The following TMOD2 variants were observed in gnomAD, a reference collection of about 807,000 sequenced individuals.
TMOD2 encodes the protein tropomodulin-2.
A neutral mutation model predicts 39.9 loss-of-function variants in TMOD2; 22 were observed. The observed-to-expected ratio is 0.55, with a 90% confidence interval of 0.39 to 0.79. The LOEUF (loss-of-function observed/expected upper bound fraction) is 0.79. Among genes scored for constraint, TMOD2 ranks in the 30% least tolerant of loss-of-function variants. TMOD2 has a pLI of 0.00. For synonymous variants in TMOD2, 123 were observed against 146.1 expected (o/e 0.84, Z 1.14); for missense variants, 386 against 413.3 (o/e 0.93, Z 0.57).
chr15:51,782,494 GACACTCAGAGGT>G (rs143799763), intron 6 of TMOD2, among the ~76,000 whole-genome samples: 4,814 of 152,300 alleles, frequency 0.032, 121 homozygotes, highest in Non-Finnish European at 0.05. Context: ...ACAGAAAGAC[GACACTCAGAGGT>G]ACCATAGTGG....
Position 51,808,734 on chromosome 15 carries a change from C to T in TMOD2, c.*280C>T. 3.2e-6 allele frequency: 1 copy of T among 308,738 alleles called. No homozygotes were observed. The highest frequency in any genetic ancestry group is 7.7e-5 in the South Asian group (1 of 13,054). 19.1% of individuals were successfully genotyped at this position (308,738 alleles called of 1,614,324 possible). On this transcript the variant is annotated 3_prime_UTR_variant, in exon 10 of 10. Coordinates refer to ENST00000249700, the MANE Select transcript of TMOD2 (RefSeq NM_014548.4). ...CATGGAAAATGAATTTAACCACTTT[C>T]TTATTGGGTTGTCTTGCTTTCTTAC...
intron 1 of TMOD2, among the ~76,000 whole-genome samples, chr15:51,761,215 A>G (rs908716763): frequency 5.3e-5 from 8 of 151,820 alleles, no homozygotes; most frequent in Middle Eastern, 3.2e-3. Flanking sequence ...TGAAGGAACA[A>G]AAGGCTGAAA....
chr15:51,766,666 G>A, intron 2 of TMOD2, 99 bp downstream of exon 2: 1 of 1,333,202 alleles, frequency 7.5e-7, no homozygotes, highest in Non-Finnish European at 1.0e-6. Context: ...AGCTCGGAAT[G>A]CACATTTTCT....
intron 7 of TMOD2, among the ~76,000 whole-genome samples, chr15:51,790,678 T>G (rs1011494230): frequency 1.3e-5 from 2 of 152,206 alleles, no homozygotes; most frequent in African/African-American, 2.4e-5. Context: ...CCTTCATCCC[T>G]GGGATGCAAG....
intron 2 of TMOD2, chr15:51,767,085 G>A (rs150669429): frequency 0.029 from 4,366 of 152,042 alleles, 82 homozygotes; most frequent in Non-Finnish European, 0.042. Context: ...GAGTGCCGTG[G>A]CAAGATCTCG....
rs368042980 is a variant in TMOD2 at position 51,753,957 on chromosome 15, C to CG, written c.-70+2250dup. Among the ~76,000 whole-genome samples, 438 of 151,894 alleles carry CG rather than the reference C, an allele frequency of 2.9e-3. 4 individuals carry two copies. The highest frequency in any genetic ancestry group is 4.3e-3 in the Admixed American group (65 of 15,274). ...AATAAAGAGAAAGTGTTGTAGAAGA[C>CG]GGGGGTGGTTCGTGACAAACAGCTG... On this transcript the variant is annotated intron_variant, in intron 1 of 9. Transcript: ENST00000249700.
chr15:51,784,498 C>T (rs1420285001), intron 7 of TMOD2: 1 of 152,208 alleles, frequency 6.6e-6, no homozygotes, highest in African/African-American at 2.4e-5. Flanking sequence ...CCTCCAACCT[C>T]TAGCAATAGA....
Position 51,770,982 on chromosome 15 carries a change from T to C in TMOD2, c.283+2564T>C, listed in dbSNP as rs16964513. ...TGAAGTCCCAATTAACATCAAGTAG[T>C]GACAGCATAATAAGTTGAAAGCTGT... On this transcript the variant is annotated intron_variant, in intron 3 of 9. Coordinates refer to ENST00000249700, the MANE Select transcript of TMOD2 (RefSeq NM_014548.4). 9.2e-3 allele frequency among the ~76,000 whole-genome samples: 1,402 copies of C among 152,320 alleles called. 15 individuals carry two copies. Among genetic ancestry groups the C allele is most frequent in the African/African-American group, 0.018 (767 of 41,586 alleles).
intron 1 of TMOD2, among the ~76,000 whole-genome samples, chr15:51,765,957 A>T (rs924053619): frequency 6.6e-6 from 1 of 152,206 alleles, no homozygotes. Flanking sequence ...ACTGCCTTAC[A>T]ATTAGTGCAT....
intron 1 of TMOD2, among the ~76,000 whole-genome samples, chr15:51,757,233 C>T (rs762713151): frequency 2.0e-5 from 3 of 152,042 alleles, no homozygotes; most frequent in Non-Finnish European, 4.4e-5. Context: ...GAAACCCCGT[C>T]TCTACTAAAA....
chr15:51,787,034 C>A (rs1325244333), intron 7 of TMOD2, among the ~76,000 whole-genome samples: 1 of 152,200 alleles, frequency 6.6e-6, no homozygotes, highest in African/African-American at 2.4e-5. Flanking sequence ...ATCACCTCAC[C>A]CGGGAAGGGG....
chr15:51,780,335 G>A (rs980435343), intron 5 of TMOD2, among the ~76,000 whole-genome samples: 4 of 152,226 alleles, frequency 2.6e-5, no homozygotes, highest in Admixed American at 1.3e-4. Context: ...ATGTTACCTC[G>A]TTTCACACTT....
At chr15:51,773,636 C>T (rs1056550765) in intron 3 of TMOD2, 76 bp from the exon 4 acceptor site, 6 of 1,445,584 alleles carry the variant, frequency 4.2e-6, no homozygotes, top group African/African-American at 1.4e-5. Flanking sequence ...GCCAGAACTG[C>T]ATTCTCTGCT....
chr15:51,758,411 A>G (rs2055757341), intron 1 of TMOD2, among the ~76,000 whole-genome samples: 2 of 152,200 alleles, frequency 1.3e-5, no homozygotes, highest in African/African-American at 4.8e-5. Flanking sequence ...AATTTAGAGG[A>G]AGGGGCAACT....
intron 9 of TMOD2, among the ~76,000 whole-genome samples, chr15:51,807,910 C>G (rs910451714): frequency 1.3e-5 from 2 of 152,180 alleles, no homozygotes; most frequent in African/African-American, 4.8e-5. Context: ...GAACATTAAT[C>G]TCTGAGTTTG....
rs1359998444 is a variant in TMOD2 at position 51,811,485 on chromosome 15, G to A, written c.*3031G>A. 2.6e-5 allele frequency: 4 copies of A among 152,110 alleles called. No homozygotes were observed. The highest frequency in any genetic ancestry group is 2.9e-5 in the Non-Finnish European group (2 of 68,042). The allele number at this position is 152,110 out of a possible 1,614,324, so 9.4% of individuals were successfully genotyped here. ...GCTTGTATCACCAACATCTATTATG[G>A]CACATGTAGATGACATTTAGGAGAA... On this transcript the variant is annotated 3_prime_UTR_variant, in exon 10 of 10. Transcript: ENST00000249700.
At chr15:51,765,732 T>C (rs906273514) in intron 1 of TMOD2, among the ~76,000 whole-genome samples, 1 of 151,902 alleles carries the variant, frequency 6.6e-6, no homozygotes. Flanking sequence ...AAAAAGGAAA[T>C]GGGACTAGAA....
chr15:51,802,613 C>G (rs1281241163), intron 8 of TMOD2, among the ~76,000 whole-genome samples: 1 of 152,210 alleles, frequency 6.6e-6, no homozygotes, highest in African/African-American at 2.4e-5. Context: ...GTCCAGGACT[C>G]AAATGCTCCA....
At chr15:51,802,183 C>A (rs1164175156) in intron 8 of TMOD2, among the ~76,000 whole-genome samples, 1 of 151,276 alleles carries the variant, frequency 6.6e-6, no homozygotes, top group Non-Finnish European at 1.5e-5. Flanking sequence ...GCTTCTAAGT[C>A]TTTTATATAG....
Sources: allele counts gnomAD v4.1 joint callset (sites outside exome capture counted in the v4.1 genomes callset), GRCh38; gene constraint gnomAD v4.1.1; transcripts MANE v1.5; gene names NCBI Gene and HGNC (gene_info 2026-07-23, HGNC 2026-07-21).